CNOT4: variants seen among roughly 807,000 people sequenced by gnomAD.
The protein encoded by CNOT4 is CCR4-associated factor 4.
CNOT4 carries 8 observed loss-of-function variants against 73.8 expected under a neutral mutation model. That is an observed-to-expected ratio of 0.11 (90% CI 0.06 to 0.20). CNOT4 has a LOEUF of 0.20. Ranked by LOEUF, CNOT4 falls within the 10% of genes least tolerant of loss-of-function variation. The pLI, the probability that CNOT4 is intolerant of heterozygous loss-of-function variation, is 1.00. For missense variants in CNOT4, 564 were observed against 883.4 expected (o/e 0.64, Z 4.58); for synonymous variants, 293 against 321.1 (o/e 0.91, Z 0.94).
intron 9 of CNOT4, among the ~76,000 whole-genome samples, chr7:135,394,754 T>C (rs1004494888): frequency 6.6e-6 from 1 of 152,224 alleles, no homozygotes; most frequent in Non-Finnish European, 1.5e-5. Context: ...TAACAGATTT[T>C]AATTAGTAAA....
intron 1 of CNOT4, chr7:135,444,785 T>C (rs1207403522): frequency 3.1e-6 from 5 of 1,590,636 alleles, no homozygotes; most frequent in Non-Finnish European, 3.4e-6. Flanking sequence ...GACAAGTTGT[T>C]ACTGACTATG....
chr7:135,375,633 C>T (rs750415811), intron 10 of CNOT4, among the ~76,000 whole-genome samples: 2 of 151,836 alleles, frequency 1.3e-5, no homozygotes, highest in African/African-American at 2.4e-5. Context: ...TTTTAAAAGG[C>T]GTGTGTTAGG....
At chr7:135,482,448 C>T (rs1326818730) in intron 1 of CNOT4, among the ~76,000 whole-genome samples, 4 of 151,796 alleles carry the variant, frequency 2.6e-5, no homozygotes, top group Non-Finnish European at 5.9e-5. Context: ...CCCAGCCACT[C>T]AGGAGGCTAA....
intron 1 of CNOT4, among the ~76,000 whole-genome samples, chr7:135,508,528 C>T (rs1804521726): frequency 1.3e-5 from 2 of 152,164 alleles, no homozygotes; most frequent in East Asian, 3.8e-4. Flanking sequence ...GCATACATAA[C>T]TAATGGATTT....
At chr7:135,411,687 A>G (rs548583183) in intron 6 of CNOT4, among the ~76,000 whole-genome samples, 55 of 152,132 alleles carry the variant, frequency 3.6e-4, no homozygotes, top group African/African-American at 1.2e-3. Flanking sequence ...ACCTTCAGGG[A>G]TGTTAATTTT....
chr7:135,444,887 C>A, intron 1 of CNOT4: 1 of 1,596,184 alleles, frequency 6.3e-7, no homozygotes, highest in South Asian at 1.1e-5. Context: ...TCAACTATCA[C>A]GATGTGGGCA....
intron 1 of CNOT4, among the ~76,000 whole-genome samples, chr7:135,442,323 C>T (rs1347883753): frequency 1.3e-5 from 2 of 152,184 alleles, no homozygotes; most frequent in African/African-American, 2.4e-5. Context: ...CAGGGCGGCG[C>T]GGTGGCTCAT....
chr7:135,490,770 C>T (rs1336280757), intron 1 of CNOT4, among the ~76,000 whole-genome samples: 1 of 152,186 alleles, frequency 6.6e-6, no homozygotes, highest in African/African-American at 2.4e-5. Context: ...AAATGTAGTA[C>T]AAAATCTCTT....
At chr7:135,407,325 A>G (rs1797347687) in intron 7 of CNOT4, among the ~76,000 whole-genome samples, 1 of 152,256 alleles carries the variant, frequency 6.6e-6, no homozygotes, top group South Asian at 2.1e-4. Flanking sequence ...ACTACTTGTT[A>G]TAAATGCCAA....
At position 135,413,516 on chromosome 7, in the gene CNOT4, G is replaced by A. The variant is rs1797689795; in HGVS notation, c.659C>T (p.Ala220Val). ...CMYLHELGDE[A>V]ASFTKEEMQA... ...CATTTCCTCTTTTGTGAAGCTGGCCGCCTCATCCCCCAATTCATGAAGATA... is the reference window on the plus strand; with the variant it reads ...CATTTCCTCTTTTGTGAAGCTGGCCACCTCATCCCCCAATTCATGAAGATA... Residue 220 changes from alanine (A) to valine (V), a missense_variant, in exon 6 of 12, where the codon GCG becomes GTG. This residue lies in a region of CNOT4 where 14 missense variants were observed against 69.5 expected (regional missense o/e 0.20). Transcript: ENST00000541284. 1.2e-6 allele frequency: 2 copies of A among 1,611,852 alleles called. No individual in the cohort carries two copies. Among genetic ancestry groups the A allele is most frequent in the South Asian group, 1.1e-5 (1 of 90,952 alleles).
At chr7:135,504,469 T>TA (rs1292785619) in intron 1 of CNOT4, among the ~76,000 whole-genome samples, 1 of 63,148 alleles carries the variant, frequency 1.6e-5, no homozygotes, top group Non-Finnish European at 3.3e-5. Context: ...CTAATTTTTT[T>TA]TTTTTTTTTT....
chr7:135,386,558 G>C (rs1796132952), intron 10 of CNOT4: 1 of 152,056 alleles, frequency 6.6e-6, no homozygotes, highest in East Asian at 1.9e-4. Flanking sequence ...TTATGACTAT[G>C]ATTTTAAAGC....
chr7:135,405,921 C>T lies in CNOT4; in HGVS notation c.821+4594G>A, dbSNP rs536800452. 8.9e-4 allele frequency among the ~76,000 whole-genome samples: 136 copies of T among 152,240 alleles called. 1 individual carries two copies. Among genetic ancestry groups the T allele is most frequent in the African/African-American group, 3.2e-3 (132 of 41,546 alleles). On this transcript the variant is annotated intron_variant, in intron 7 of 11. Transcript: ENST00000541284. ...TCTTGCAATTCTTTCTGTAAAACTG[C>T]TACCCACTATCTAGGAATGCCAAGA...
chr7:135,421,447 A>G lies in CNOT4; in HGVS notation c.372+709T>C, dbSNP rs773467409. Among the ~76,000 whole-genome samples the G allele has an allele frequency of 7.2e-5, 11 of 152,274 alleles. No homozygotes were observed. In the Middle Eastern group the frequency reaches 0.01, roughly 141 times the overall value. On this transcript the variant is annotated intron_variant, in intron 3 of 11. Coordinates refer to ENST00000541284, the MANE Select transcript of CNOT4 (RefSeq NM_001190850.2). Reference sequence around the variant, plus strand: ...TTGCCTTCTCAACAATCTAGTCAGTATCTCATGGTATATCAGAAACTAAAA... The same window carrying G: ...TTGCCTTCTCAACAATCTAGTCAGTGTCTCATGGTATATCAGAAACTAAAA...
chr7:135,398,320 T>C, intron 7 of CNOT4, 94 bp from the exon 8 acceptor site: 4 of 692,490 alleles, frequency 5.8e-6, no homozygotes, highest in Non-Finnish European at 1.0e-5. Context: ...ACAGACACTT[T>C]ACCATCTTAA....
intron 7 of CNOT4, among the ~76,000 whole-genome samples, chr7:135,410,280 A>T (rs1797522908): frequency 1.3e-5 from 2 of 152,152 alleles, no homozygotes; most frequent in African/African-American, 4.8e-5. Flanking sequence ...GTAGTCTGCA[A>T]ATCACCACAA....
At chr7:135,495,687 AAAAAAAGAAAGAAAGAAAGAAAGAAAG>A (rs1563083447) in intron 1 of CNOT4, among the ~76,000 whole-genome samples, 1,041 of 65,684 alleles carry the variant, frequency 0.016, 130 homozygotes, top group East Asian at 0.041. Flanking sequence ...AAAAAAAAAA[AAAAAAAGAAAGAAAGAAAGAAAGAAAG>A]AAAGAAAGAA....
At chr7:135,508,946 A>G (rs1351434345) in intron 1 of CNOT4, 2 of 152,270 alleles carry the variant, frequency 1.3e-5, no homozygotes, top group Admixed American at 1.3e-4. Context: ...AAAGAAAAAA[A>G]GCCAAGTCCT....
chr7:135,442,592 C>T (rs970562135), intron 1 of CNOT4, among the ~76,000 whole-genome samples: 3 of 152,068 alleles, frequency 2.0e-5, no homozygotes, highest in African/African-American at 7.2e-5. Flanking sequence ...AGAGCAAAAA[C>T]TTCGTTTCAA....
Sources: allele counts gnomAD v4.1 joint callset (sites outside exome capture counted in the v4.1 genomes callset), GRCh38; gene constraint gnomAD v4.1.1; regional missense constraint gnomAD v4.1.1; transcripts MANE v1.5; gene names NCBI Gene and HGNC (gene_info 2026-07-23, HGNC 2026-07-21).